LIPA: variants seen among roughly 807,000 people sequenced by gnomAD.
LIPA encodes the protein lipase A, lysosomal acid type.
Under a neutral mutation model 40.6 loss-of-function variants are expected in LIPA, and 26 were observed. The observed-to-expected ratio is 0.64, with a 90% CI of 0.47 to 0.89. The LOEUF is 0.89. LIPA is among the 40% of genes least tolerant of loss of function. LIPA has a pLI of 0.00. For missense variants in LIPA, 455 were observed against 479.6 expected (o/e 0.95, Z 0.48); for synonymous variants, 188 against 168.4 (o/e 1.12, Z -0.90).
chr10:89,364,055 T>C (rs1281381076), intron 2 of LIPA, among the ~76,000 whole-genome samples: 1 of 152,172 alleles, frequency 6.6e-6, no homozygotes, highest in African/African-American at 2.4e-5. Context: ...TAAATCTAAA[T>C]ATCAGATAAA....
intron 1 of LIPA, among the ~76,000 whole-genome samples, chr10:89,288,018 A>G (rs764003727): frequency 6.6e-6 from 1 of 152,036 alleles, no homozygotes; most frequent in Non-Finnish European, 1.5e-5. Flanking sequence ...TTTCACTTGG[A>G]CTGACCCCGA....
chr10:89,347,806 G>A (rs965823450), intron 2 of LIPA, among the ~76,000 whole-genome samples: 5 of 152,154 alleles, frequency 3.3e-5, no homozygotes, highest in Admixed American at 6.5e-5. Flanking sequence ...AAAGTAAAGT[G>A]GACCTGATCA....
chr10:89,391,019 T>G (rs73369762), intron 2 of LIPA, among the ~76,000 whole-genome samples: 5,156 of 152,286 alleles, frequency 0.034, 301 homozygotes, highest in African/African-American at 0.12. Flanking sequence ...GAACTCTCTG[T>G]GGAAGCTTAC....
At chr10:89,351,671 C>A (rs1843959350) in intron 2 of LIPA, among the ~76,000 whole-genome samples, 1 of 152,180 alleles carries the variant, frequency 6.6e-6, no homozygotes, top group Admixed American at 6.5e-5. Flanking sequence ...TTTCTTCCTG[C>A]AGCAACAAAA....
chr10:89,394,867 C>T (rs1844318974), intron 2 of LIPA, among the ~76,000 whole-genome samples: 1 of 151,894 alleles, frequency 6.6e-6, no homozygotes, highest in Non-Finnish European at 1.5e-5. Context: ...CAGGCCCCAG[C>T]AACTGTTAAT....
At chr10:89,285,810 C>T (rs978999934) in intron 1 of LIPA, among the ~76,000 whole-genome samples, 2 of 151,802 alleles carry the variant, frequency 1.3e-5, no homozygotes, top group Non-Finnish European at 2.9e-5. Flanking sequence ...GGGACAAACA[C>T]CCCACCCCTT....
intron 1 of LIPA, among the ~76,000 whole-genome samples, chr10:89,325,359 T>C (rs1843592728): frequency 6.6e-6 from 1 of 152,178 alleles, no homozygotes; most frequent in Non-Finnish European, 1.5e-5. Flanking sequence ...GCAATCCTAT[T>C]ATTGGGTACA....
chr10:89,404,413 T>C (rs215493), intron 2 of LIPA: 97,088 of 152,112 alleles, frequency 0.64, 33,245 homozygotes, highest in African/African-American at 0.89. Flanking sequence ...CACCTTTTGA[T>C]ATAGAAAGGC....
At chr10:89,392,466 T>TCCCC (rs759696601) in intron 2 of LIPA, 61 of 287,706 alleles carry the variant, frequency 2.1e-4, no homozygotes, top group African/African-American at 7.1e-4. Context: ...AAAGTTTCAT[T>TCCCC]CCCCACCCCC....
chr10:89,252,965 C>T (rs1799574940), upstream of LIPA, among the ~76,000 whole-genome samples: 1 of 152,122 alleles, frequency 6.6e-6, no homozygotes, highest in African/African-American at 2.4e-5. Flanking sequence ...TACAAAGGCC[C>T]TGTGGTAGGA....
intron 4 of LIPA, among the ~76,000 whole-genome samples, chr10:89,227,991 T>A (rs1388737875): frequency 6.6e-6 from 1 of 152,216 alleles, no homozygotes; most frequent in Non-Finnish European, 1.5e-5. Context: ...CCTAACTAAA[T>A]GTAAATCTTA....
chr10:89,279,225 C>T (rs1004054574), intron 1 of LIPA, among the ~76,000 whole-genome samples: 19 of 152,128 alleles, frequency 1.2e-4, no homozygotes, highest in African/African-American at 4.6e-4. Flanking sequence ...TGAAATGAAC[C>T]CTGGCCTTTC....
chr10:89,341,651 G>T (rs1032479839), intron 1 of LIPA, among the ~76,000 whole-genome samples: 1 of 152,144 alleles, frequency 6.6e-6, no homozygotes, highest in Non-Finnish European at 1.5e-5. Context: ...TTAACACCTG[G>T]AAACTTGCTT....
chr10:89,378,096 A>G, intron 2 of LIPA: 1 of 1,613,126 alleles, frequency 6.2e-7, no homozygotes, highest in African/African-American at 1.3e-5. Context: ...TCCAAGCCTG[A>G]ACCAAAGCAC....
At chr10:89,260,710 C>T (rs1048299872) in intron 1 of LIPA, among the ~76,000 whole-genome samples, 4 of 152,142 alleles carry the variant, frequency 2.6e-5, no homozygotes, top group Non-Finnish European at 5.9e-5. Flanking sequence ...CCTCCATCTC[C>T]GTGTGCTCAG....
intron 1 of LIPA, chr10:89,339,103 G>A: frequency 6.2e-7 from 1 of 1,614,052 alleles, no homozygotes; most frequent in South Asian, 1.1e-5. Flanking sequence ...ACTGAAGTGT[G>A]GAAGAAATGA....
intron 1 of LIPA, among the ~76,000 whole-genome samples, chr10:89,265,130 G>A (rs895835968): frequency 6.6e-6 from 1 of 152,054 alleles, no homozygotes; most frequent in East Asian, 1.9e-4. Flanking sequence ...TCTGGAGTGG[G>A]TGCCAGGAGC....
intron 2 of LIPA, among the ~76,000 whole-genome samples, chr10:89,388,647 T>C (rs902953670): frequency 6.6e-6 from 1 of 152,206 alleles, no homozygotes; most frequent in Non-Finnish European, 1.5e-5. Flanking sequence ...TCAAAATATA[T>C]ACACAGTATC....
At chr10:89,348,306 A>AT (rs1173239549) in intron 2 of LIPA, among the ~76,000 whole-genome samples, 10 of 150,966 alleles carry the variant, frequency 6.6e-5, no homozygotes, top group African/African-American at 2.5e-4. Context: ...CTGAGTTTCT[A>AT]TTTTTTTCCA....
Sources: gnomAD v4.1 joint callset for allele counts (sites outside exome capture counted in the v4.1 genomes callset) on GRCh38, gnomAD v4.1.1 for gene constraint, MANE v1.5 for transcripts, NCBI Gene and HGNC (gene_info 2026-07-23, HGNC 2026-07-21) for gene names.